The following RAX variants were observed in gnomAD, a reference collection of about 807,000 sequenced individuals.
RAX encodes retina and anterior neural fold homeobox.
RAX carries 11 observed loss-of-function variants against 17.4 expected under a neutral mutation model. That is an observed-to-expected ratio of 0.63 (90% CI 0.40 to 1.05). RAX has a LOEUF of 1.05. RAX is among the 50% of genes least tolerant of loss of function. The probability of loss-of-function intolerance (pLI) is 0.00; values close to 1 mark genes in which losing one functional copy is unlikely to be tolerated. For synonymous variants in RAX, 276 were observed against 254.7 expected (o/e 1.08, Z -0.80); for missense variants, 527 against 501.1 (o/e 1.05, Z -0.49).
rs2070345728 is a variant in RAX, at chr18:59,272,452, A to T, written c.452T>A (p.Leu151Gln). Residue 151 changes from leucine (L) to glutamine (Q), a missense_variant, in exon 2 of 3, where the codon CTG (leucine) becomes CAG (glutamine). By Grantham distance (113) the Leu-to-Gln change is moderately radical. Coordinates refer to ENST00000334889, the MANE Select transcript of RAX (RefSeq NM_013435.3). ...TTFTTYQLHE[L>Q]ERAFEKSHYP... ...GTGGGACTTCTCGAACGCGCGCTCCAGCTCATGCAGCTGGTACGTGGTGAA... is the reference window on the plus strand; with the variant it reads ...GTGGGACTTCTCGAACGCGCGCTCCTGCTCATGCAGCTGGTACGTGGTGAA... 1 of 1,614,096 alleles carries T rather than the reference A, an allele frequency of 6.2e-7. No homozygotes were observed. Among genetic ancestry groups the T allele is most frequent in the South Asian group, 1.1e-5 (1 of 91,088 alleles).
Position 59,272,977 on chromosome 18 carries a change from G to A in RAX, c.230C>T (p.Pro77Leu). The A allele has an allele frequency of 6.6e-7, 1 of 1,520,836 alleles. No homozygotes were observed. Among genetic ancestry groups the A allele is most frequent in the Non-Finnish European group, 8.8e-7 (1 of 1,141,614 alleles). 94.2% of individuals were successfully genotyped at this position (1,520,836 alleles called of 1,614,324 possible). A position where few individuals can be genotyped will look rare whatever the true frequency, so the allele number is the denominator to read the frequency against. The change falls in exon 1 of 3, where the codon CCC becomes CTC. Residue 77 changes from proline to leucine, a missense_variant. Coordinates refer to ENST00000334889, the MANE Select transcript of RAX (RefSeq NM_013435.3). ...LGARPACPKA[P>L]EEGSEPSPPP... ...CGGGGAGGGCTCGGAGCCTTCCTCG[G>A]GCGCCTTGGGGCAGGCGGGCCGCGC...
Position 59,269,432 on chromosome 18 carries a change from G to T in RAX, c.613C>A (p.Gln205Lys), listed in dbSNP as rs1343157423. ...CTGAAGGAGAGGAGGGGCGAGTCCT[G>T]CAGCTTCATGGAGGACACTTCCAGC... ...EKLEVSSMKLQDSPLLSFSRS... is the reference protein window; with the variant it reads ...EKLEVSSMKLKDSPLLSFSRS... Residue 205 changes from glutamine (Q) to lysine (K), a missense_variant, in exon 3 of 3, where the codon CAG (glutamine) becomes AAG (lysine). Coordinates refer to ENST00000334889, the MANE Select transcript of RAX (RefSeq NM_013435.3). 1.3e-6 allele frequency: 2 copies of T among 1,586,532 alleles called. No homozygotes were observed. Among genetic ancestry groups the T allele is most frequent in the Admixed American group, 3.4e-5 (2 of 58,598 alleles).
At position 59,269,019 on chromosome 18, in the gene RAX, C is replaced by T. The variant is rs1472227986; in HGVS notation, c.1026G>A (p.Pro342=). 1 of 1,613,062 alleles carries T rather than the reference C, an allele frequency of 6.2e-7. No individual in the cohort carries two copies. The highest frequency in any genetic ancestry group is 8.5e-7 in the Non-Finnish European group (1 of 1,179,876). ...CCCAGTGCCCCTAGAGGGCCTGCCA[C>T]GGCTTCCCGATGGCCTGGATGTGCT... ...AKEHIQAIGK[P]WQAL The change falls in exon 3 of 3, where the codon CCG becomes CCA. Residue 342 remains proline (P), a synonymous_variant. Coordinates refer to ENST00000334889, the MANE Select transcript of RAX (RefSeq NM_013435.3).
Position 59,268,812 on chromosome 18 carries a change from C to T in RAX, c.*192G>A. 1.0e-6 allele frequency: 1 copy of T among 961,178 alleles called. No homozygotes were observed. The highest frequency in any genetic ancestry group is 1.5e-6 in the Non-Finnish European group (1 of 653,690). 59.5% of individuals were successfully genotyped at this position (961,178 alleles called of 1,614,324 possible). On this transcript the variant is annotated 3_prime_UTR_variant, in exon 3 of 3. Transcript: ENST00000334889. This position sits in a 1 kb window ranked among gnomAD's most constrained non-coding sequence, Gnocchi z 4.4. Reference sequence around the variant, plus strand: ...GCGTTGAGGCGGCCAGAGGGCCTCTCCTCAGGCCTGAAAGTCGCCCTTCTC... The same window carrying T: ...GCGTTGAGGCGGCCAGAGGGCCTCTTCTCAGGCCTGAAAGTCGCCCTTCTC...
Position 59,269,511 on chromosome 18 carries a change from A to T in RAX, c.544-10T>A. The T allele has an allele frequency of 6.3e-7, 1 of 1,595,234 alleles. No individual in the cohort carries two copies. ...GGTTCTGGAACCACACCTGCAGGAG[A>T]GAGCACAGGGGCCGTCGGGCAGCAG... On this transcript the variant is annotated splice_polypyrimidine_tract_variant and intron_variant, in intron 2 of 2. Transcript: ENST00000334889.
Position 59,269,738 on chromosome 18 carries a change from C to CTTT in RAX, c.544-240_544-238dup, listed in dbSNP as rs398033067. On this transcript the variant is annotated intron_variant, in intron 2 of 2. Transcript: ENST00000334889. Reference sequence around the variant, plus strand: ...CCCCTTTCTCTCTCTCTCTCTCTCTCTTTTTTTTTTTTTTTTGGCCTCTTC... The same window carrying CTTT: ...CCCCTTTCTCTCTCTCTCTCTCTCTCTTTTTTTTTTTTTTTTTTTGGCCTCTTC... Among the ~76,000 whole-genome samples, 88 of 64,082 alleles carry CTTT rather than the reference C, an allele frequency of 1.4e-3. 2 individuals are homozygous for CTTT. The highest frequency in any genetic ancestry group is 3.9e-3 in the African/African-American group (77 of 19,774). The allele number at this position is 64,082 out of a possible 152,430, so 42.0% of individuals were successfully genotyped here.
chr18:59,273,237 G>A lies in RAX; in HGVS notation c.-31C>T, dbSNP rs2070356835. The A allele has an allele frequency of 6.6e-7, 1 of 1,518,024 alleles. No homozygotes were observed. The highest frequency in any genetic ancestry group is 2.5e-5 in the East Asian group (1 of 40,052). The allele number at this position is 1,518,024 out of a possible 1,614,324, so 94.0% of individuals were successfully genotyped here. On this transcript the variant is annotated 5_prime_UTR_variant, in exon 1 of 3. Transcript: ENST00000334889. ...GCGCCGGGAGGCGGGAGGGCGCTTT[G>A]GAGACGGAGAGGAGAGGCTCGAAGC...
chr18:59,269,811 C>T (rs1393805817), intron 2 of RAX, among the ~76,000 whole-genome samples: 2 of 150,550 alleles, frequency 1.3e-5, no homozygotes, highest in Admixed American at 1.3e-4. Context: ...CCTAGTCCTC[C>T]GTGGCGTCCC....
chr18:59,272,592 C>T lies in RAX; in HGVS notation c.312G>A (p.Lys104=), dbSNP rs769747968. Residue 104 remains lysine, a synonymous_variant, in exon 2 of 3, where the codon AAG becomes AAA. Transcript: ENST00000334889. ...EYEAPRPYCP[K]EPGEARPSPG... is the part of the protein sequence containing the mutation. ...GGCTCGGCCGTGCCTCCCCGGGCTCCTTGGGGCAGTAGGGTCGAGGGGCTG... is the reference window on the plus strand; with the variant it reads ...GGCTCGGCCGTGCCTCCCCGGGCTCTTTGGGGCAGTAGGGTCGAGGGGCTG... 2 of 1,613,116 alleles carry T rather than the reference C, an allele frequency of 1.2e-6. No homozygotes were observed. The highest frequency in any genetic ancestry group is 1.1e-5 in the South Asian group (1 of 91,044).
In RAX at chr18:59,272,447, G is replaced by T; in HGVS notation, c.457C>A (p.Arg153Ser). The T allele has an allele frequency of 6.2e-7, 1 of 1,614,202 alleles. No individual in the cohort carries two copies. Among genetic ancestry groups the T allele is most frequent in the Non-Finnish European group, 8.5e-7 (1 of 1,180,050 alleles). ...FTTYQLHELE[R>S]AFEKSHYPDV... Reference sequence around the variant, plus strand: ...GGGTAGTGGGACTTCTCGAACGCGCGCTCCAGCTCATGCAGCTGGTACGTG... The same window carrying T: ...GGGTAGTGGGACTTCTCGAACGCGCTCTCCAGCTCATGCAGCTGGTACGTG... The change falls in exon 2 of 3, where the codon CGC becomes AGC. Residue 153 changes from arginine (R) to serine (S), a missense_variant. Arg to Ser is a moderately radical substitution (Grantham distance 110, BLOSUM62 -1). Transcript: ENST00000334889.
intron 2 of RAX, 132 bp from the exon 3 acceptor site, chr18:59,269,633 A>G: frequency 2.0e-6 from 2 of 986,630 alleles, no homozygotes; most frequent in Non-Finnish European, 2.9e-6. Context: ...ACTGTTATGC[A>G]TGTGCCGAGA....
intron 1 of RAX, 24 bp from the exon 2 acceptor site, chr18:59,272,638 G>A (rs758104358): frequency 1.6e-5 from 25 of 1,600,526 alleles, no homozygotes; most frequent in Non-Finnish European, 2.0e-5. Flanking sequence ...GCCCGGGAGG[G>A]TCAGATGCAC....
Position 59,272,526 on chromosome 18 carries a change from C to T in RAX, c.378G>A (p.Leu126=), listed in dbSNP as rs763377117. The change falls in exon 2 of 3, where the codon CTG becomes CTA. Residue 126 remains leucine, a synonymous_variant. Coordinates refer to ENST00000334889, the MANE Select transcript of RAX (RefSeq NM_013435.3). ...PVGPATGEAK[L]SEEEQPKKKH... is the part of the protein sequence containing the mutation. ...TTTTCTTGGGCTGTTCCTCCTCTGA[C>T]AGTTTCGCTTCGCCGGTGGCTGGCC... The T allele has an allele frequency of 6.2e-7, 1 of 1,614,258 alleles. No homozygotes were observed. Among genetic ancestry groups the T allele is most frequent in the South Asian group, 1.1e-5 (1 of 91,088 alleles).
rs1007084817 is a variant in RAX, at chr18:59,269,194, A to C, written c.851T>G (p.Leu284Arg). ...YTPPPPPPPFLNSPPLGPGLQ... is the reference protein window; with the variant it reads ...YTPPPPPPPFRNSPPLGPGLQ... ...GCCGGGGCCCAACGGCGGGGAGTTC[A>C]GGAAGGGCGGAGGCGGCGGCGGTGG... The change falls in exon 3 of 3, where the codon CTG becomes CGG. Residue 284 changes from leucine to arginine, a missense_variant. Physicochemically the swap from Leu to Arg is moderately radical, Grantham distance 102. Coordinates refer to ENST00000334889, the MANE Select transcript of RAX (RefSeq NM_013435.3). 78 of 1,540,368 alleles carry C rather than the reference A, an allele frequency of 5.1e-5. No homozygotes were observed. The highest frequency in any genetic ancestry group is 6.5e-5 in the Non-Finnish European group (74 of 1,143,386).
chr18:59,268,901 G>T lies in RAX; in HGVS notation c.*103C>A. Reference sequence around the variant, plus strand: ...CTTGGCGGGTGGCTGCAGGCGACAGGGAAAGAGGGGCCGAGCTGGGGAGGG... The same window carrying T: ...CTTGGCGGGTGGCTGCAGGCGACAGTGAAAGAGGGGCCGAGCTGGGGAGGG... On this transcript the variant is annotated 3_prime_UTR_variant, in exon 3 of 3. Transcript: ENST00000334889. This position sits in a 1 kb window ranked among gnomAD's most constrained non-coding sequence, Gnocchi z 4.4. The T allele has an allele frequency of 6.3e-7, 1 of 1,575,948 alleles. No homozygotes were observed. Among genetic ancestry groups the T allele is most frequent in the Non-Finnish European group, 8.7e-7 (1 of 1,155,404 alleles).
rs1488724199 is a variant in RAX, at chr18:59,273,071, C to T, written c.136G>A (p.Gly46Arg). The change falls in exon 1 of 3, where the codon GGG (glycine) becomes AGG (arginine). Residue 46 changes from glycine to arginine, a missense_variant. Gly to Arg is a moderately radical substitution (Grantham distance 125, BLOSUM62 -2). Transcript: ENST00000334889. ...EAILGFTKDD[G>R]ILGTFPAERG... ...TCCGCCGGGAAGGTGCCGAGGATCC[C>T]GTCGTCCTTGGTAAACCCCAGGATG... is the stretch of plus-strand genomic sequence containing the variant. 4 of 1,535,024 alleles carry T rather than the reference C, an allele frequency of 2.6e-6. No homozygotes were observed. The highest frequency in any genetic ancestry group is 2.0e-5 in the Admixed American group (1 of 50,990).
chr18:59,267,620 G>C lies in RAX; in HGVS notation c.*1384C>G, dbSNP rs1258502889. 7.2e-6 allele frequency: 1 copy of C among 138,460 alleles called. No homozygotes were observed. Among genetic ancestry groups the C allele is most frequent in the Non-Finnish European group, 1.5e-5 (1 of 64,672 alleles). 8.6% of individuals were successfully genotyped at this position (138,460 alleles called of 1,614,324 possible). A position where few individuals can be genotyped will look rare whatever the true frequency, so the allele number is the denominator to read the frequency against. On this transcript the variant is annotated 3_prime_UTR_variant, in exon 3 of 3. Transcript: ENST00000334889. The stretch of plus-strand genomic sequence containing the variant: ...GAAAGCACGCTTAGGGACGGGGGTT[G>C]TGGGGTGGACGCCCCCCCCCCCCCC...
chr18:59,272,712 T>C, intron 1 of RAX, 98 bp from the exon 2 acceptor site: 1 of 1,462,408 alleles, frequency 6.8e-7, no homozygotes, highest in South Asian at 1.4e-5. Flanking sequence ...GCCTGCGGGC[T>C]CCGAGATGGC....
chr18:59,269,605 A>C, intron 2 of RAX, 104 bp from the exon 3 acceptor site: 1 of 1,321,476 alleles, frequency 7.6e-7, no homozygotes, highest in Non-Finnish European at 1.0e-6. Flanking sequence ...GTCCCCCTCA[A>C]ATAAAACTAG....
Sources: gnomAD v4.1 joint callset for allele counts (sites outside exome capture counted in the v4.1 genomes callset) on GRCh38, gnomAD v4.1.1 for gene constraint, Gnocchi (gnomAD v3.1) non-coding constraint, MANE v1.5 for transcripts, NCBI Gene and HGNC (gene_info 2026-07-23, HGNC 2026-07-21) for gene names.